Variants in UBE3C observed in about 807,000 individuals in gnomAD.
The protein encoded by UBE3C is ubiquitin protein ligase E3C.
In UBE3C, 42 loss-of-function variants were observed where a neutral mutation model predicts 129.4. The ratio of observed to expected loss-of-function variants is 0.32; its 90% CI spans 0.25 to 0.42. UBE3C has a LOEUF of 0.42. UBE3C is among the 10% of genes least tolerant of loss of function. The pLI, the probability that UBE3C is intolerant of heterozygous loss-of-function variation, is 1.00. For missense variants in UBE3C, 1,049 were observed against 1,319.1 expected (o/e 0.80, Z 3.17); for synonymous variants, 510 against 492.4 (o/e 1.04, Z -0.47).
At chr7:157,202,383 G>A (rs1020657856) in intron 11 of UBE3C, among the ~76,000 whole-genome samples, 24 of 152,150 alleles carry the variant, frequency 1.6e-4, no homozygotes, top group African/African-American at 1.9e-4. Flanking sequence ...CCGGCCGGGC[G>A]CGGTGGCTCA....
chr7:157,140,081 C>G, intron 1 of UBE3C: 1 of 970,440 alleles, frequency 1.0e-6, no homozygotes, highest in Non-Finnish European at 1.2e-6. Context: ...GAATTTCTAG[C>G]TGTCTGTCCC....
intron 10 of UBE3C, chr7:157,189,004 CA>C: frequency 1.7e-6 from 1 of 577,236 alleles, no homozygotes. Flanking sequence ...ATTTCCGAGA[CA>C]GATGCGTACA....
intron 10 of UBE3C, among the ~76,000 whole-genome samples, chr7:157,200,700 T>A (rs1176544603): frequency 6.6e-6 from 1 of 152,142 alleles, no homozygotes; most frequent in Non-Finnish European, 1.5e-5. Context: ...AGTGGTGCAA[T>A]CTTGGCTCAC....
intron 13 of UBE3C, 94 bp from the exon 14 acceptor site, chr7:157,216,773 C>A: frequency 2.0e-6 from 2 of 987,726 alleles, no homozygotes; most frequent in Non-Finnish European, 3.1e-6. Flanking sequence ...TCCTGCACCA[C>A]CGCTGTGTGC....
intron 13 of UBE3C, among the ~76,000 whole-genome samples, chr7:157,212,933 T>C (rs1809638862): frequency 6.6e-6 from 1 of 152,132 alleles, no homozygotes; most frequent in Non-Finnish European, 1.5e-5. Flanking sequence ...AATTTTTGTA[T>C]TTTTTGTAGA....
intron 9 of UBE3C, 58 bp from the exon 10 acceptor site, chr7:157,186,776 G>A (rs1808817668): frequency 5.7e-6 from 9 of 1,588,622 alleles, no homozygotes; most frequent in Non-Finnish European, 7.7e-6. Flanking sequence ...TGTTTGTAGT[G>A]TAGAGGACGT....
In UBE3C at chr7:157,170,438, C is replaced by A; in HGVS notation, c.330C>A (p.Asp110Glu). 6.4e-7 allele frequency: 1 copy of A among 1,552,032 alleles called. No homozygotes were observed. The highest frequency in any genetic ancestry group is 8.7e-7 in the Non-Finnish European group (1 of 1,154,584). ...QLLFFYKQNE[D>E]SKRLIWLYQN... ...TGTTTTTTTACAAACAAAATGAAGACTCAAAACGTTTGGTGAGTGTTAACT... is the reference window on the plus strand; with the variant it reads ...TGTTTTTTTACAAACAAAATGAAGAATCAAAACGTTTGGTGAGTGTTAACT... Residue 110 changes from aspartate to glutamate, a missense_variant, in exon 4 of 23, where the codon GAC (aspartate) becomes GAA (glutamate). Asp to Glu is a conservative substitution (Grantham distance 45). Around this residue, in one of 4 missense-constraint regions of UBE3C, gnomAD observed 489 missense variants for 513.8 expected, o/e 0.95. Transcript: ENST00000348165.
rs538833418 is a variant in UBE3C, at chr7:157,206,677, C to T, written c.1419-721C>T. Among the ~76,000 whole-genome samples, 22 of 152,100 alleles carry T rather than the reference C, an allele frequency of 1.4e-4. No homozygotes were observed. The South Asian group carries it at 3.9e-3, about 27-fold the overall frequency. On this transcript the variant is annotated intron_variant, in intron 11 of 22. Coordinates refer to ENST00000348165, the MANE Select transcript of UBE3C (RefSeq NM_014671.3). ...AATCTCAGCTCATGGCAACCTCTGC[C>T]TCCTGGGCTCAAGCCATTCTCCTGC...
intron 10 of UBE3C, among the ~76,000 whole-genome samples, chr7:157,191,044 C>T (rs572472583): frequency 6.6e-6 from 1 of 152,130 alleles, no homozygotes; most frequent in South Asian, 2.1e-4. Context: ...TTTTAGGGGT[C>T]GAAGAGGTTG....
intron 10 of UBE3C, 30 bp from the exon 11 acceptor site, chr7:157,201,686 TTACTG>T: frequency 7.8e-7 from 1 of 1,289,864 alleles, no homozygotes; most frequent in East Asian, 2.5e-5. Context: ...AGTAATTGCT[TTACTG>T]TTCTGTGTTT....
chr7:157,171,690 T>A (rs1238623084), intron 4 of UBE3C, among the ~76,000 whole-genome samples: 526 of 5,182 alleles, frequency 0.1, 3 homozygotes, highest in East Asian at 0.2. Flanking sequence ...ATATATATTT[T>A]TTTTTTTTTT....
intron 4 of UBE3C, among the ~76,000 whole-genome samples, chr7:157,171,272 G>A (rs189243156): frequency 1.2e-4 from 18 of 152,052 alleles, no homozygotes; most frequent in Admixed American, 3.9e-4. Flanking sequence ...AATTACAGGC[G>A]TGTTACCAAC....
At chr7:157,169,143 G>A in intron 3 of UBE3C, 21 bp downstream of exon 3, 2 of 1,599,006 alleles carry the variant, frequency 1.3e-6, no homozygotes, top group Non-Finnish European at 1.7e-6. Context: ...TTTAAAATGA[G>A]GAGATTAGTA....
intron 14 of UBE3C, among the ~76,000 whole-genome samples, chr7:157,218,118 T>C (rs1027414526): frequency 7.2e-5 from 11 of 152,122 alleles, no homozygotes; most frequent in African/African-American, 2.2e-4. Context: ...TTCAGAATCT[T>C]GGGAGTAGGA....
intron 10 of UBE3C, chr7:157,189,118 G>A: frequency 2.5e-6 from 1 of 406,464 alleles, no homozygotes; most frequent in South Asian, 1.2e-4. Context: ...AAAGAAACTT[G>A]GAAGCATATA....
rs949362203 is a variant in UBE3C, at chr7:157,192,393, C to G, written c.1331+5372C>G. On this transcript the variant is annotated intron_variant, in intron 10 of 22. Coordinates refer to ENST00000348165, the MANE Select transcript of UBE3C (RefSeq NM_014671.3). ...ATGCAGATTTCCATAAAAACCCTTA[C>G]GGGGAAGACCATCACCCTCAAGGTT... The G allele has an allele frequency of 6.4e-5, 44 of 692,186 alleles. No individual in the cohort carries two copies. The Admixed American group carries it at 7.7e-4, about 12-fold the overall frequency. The allele number at this position is 692,186 out of a possible 1,614,324, so 42.9% of individuals were successfully genotyped here.
intron 18 of UBE3C, among the ~76,000 whole-genome samples, chr7:157,246,297 T>C (rs1173727104): frequency 6.6e-6 from 1 of 152,206 alleles, no homozygotes; most frequent in Non-Finnish European, 1.5e-5. Context: ...AGCAAAGGAC[T>C]CACTCCCCAC....
intron 17 of UBE3C, among the ~76,000 whole-genome samples, chr7:157,226,882 A>C (rs2116627407): frequency 6.6e-6 from 1 of 152,162 alleles, no homozygotes; most frequent in Non-Finnish European, 1.5e-5. Flanking sequence ...GTGTTTTCAG[A>C]GTATTTGGTG....
intron 13 of UBE3C, among the ~76,000 whole-genome samples, chr7:157,208,829 A>G (rs1345042920): frequency 6.6e-6 from 1 of 152,256 alleles, no homozygotes; most frequent in Middle Eastern, 3.2e-3. Context: ...TTGACTTCCC[A>G]TGAAATTTCT....
Sources: gnomAD v4.1 joint callset for allele counts (sites outside exome capture counted in the v4.1 genomes callset) on GRCh38, gnomAD v4.1.1 for gene constraint, gnomAD v4.1.1 regional missense constraint, MANE v1.5 for transcripts, NCBI Gene and HGNC (gene_info 2026-07-23, HGNC 2026-07-21) for gene names.